PTPRD: variants seen among roughly 807,000 people sequenced by gnomAD.
PTPRD encodes the protein protein tyrosine phosphatase receptor type D.
In PTPRD, 34 loss-of-function variants were observed where a neutral mutation model predicts 214.5. The observed-to-expected ratio is 0.16, with a 90% CI of 0.12 to 0.21. The LOEUF is 0.21. Among genes scored for constraint, PTPRD ranks in the 10% least tolerant of loss-of-function variants. PTPRD has a pLI of 1.00. For synonymous variants in PTPRD, 1,128 were observed against 845.7 expected (o/e 1.33, Z -5.79); for missense variants, 2,545 against 2,398.7 (o/e 1.06, Z -1.27).
At chr9:10,528,204 G>A (rs532245773) in intron 2 of PTPRD, among the ~76,000 whole-genome samples, 2 of 152,210 alleles carry the variant, frequency 1.3e-5, no homozygotes, top group Admixed American at 1.3e-4. Context: ...TGAGGCCACA[G>A]AAAGAAGGAG....
intron 9 of PTPRD, among the ~76,000 whole-genome samples, chr9:9,365,767 T>C (rs952753041): frequency 3.3e-5 from 5 of 151,472 alleles, no homozygotes; most frequent in Admixed American, 6.6e-5. Context: ...CCAGTCTCTC[T>C]ATGGGTCTCT....
At chr9:9,418,772 A>T (rs1057427089) in intron 8 of PTPRD, among the ~76,000 whole-genome samples, 3 of 151,920 alleles carry the variant, frequency 2.0e-5, no homozygotes, top group Non-Finnish European at 4.4e-5. Context: ...TGAAAGTGAG[A>T]TCAGGCCTAA....
At chr9:8,715,868 C>T (rs774928534) in intron 12 of PTPRD, among the ~76,000 whole-genome samples, 3 of 152,176 alleles carry the variant, frequency 2.0e-5, no homozygotes, top group Non-Finnish European at 2.9e-5. Context: ...TCAGACAATT[C>T]AAAAGTCATT....
chr9:10,148,374 G>A (rs575280211), intron 3 of PTPRD, among the ~76,000 whole-genome samples: 42 of 152,130 alleles, frequency 2.8e-4, no homozygotes, highest in Non-Finnish European at 4.7e-4. Context: ...GCTAAGTGTT[G>A]GAACAAAGAC....
intron 24 of PTPRD, 47 bp from the exon 25 acceptor site, chr9:8,499,887 C>G: frequency 6.7e-7 from 1 of 1,493,866 alleles, no homozygotes. Flanking sequence ...ACTTGTCCCA[C>G]CCTATCAGAG....
chr9:9,674,018 T>C (rs746964040), intron 7 of PTPRD, among the ~76,000 whole-genome samples: 19 of 151,940 alleles, frequency 1.3e-4, no homozygotes, highest in South Asian at 2.1e-4. Flanking sequence ...CCAGATCTTG[T>C]TGGAGTAACA....
At chr9:10,318,898 G>A (rs918605934) in intron 3 of PTPRD, among the ~76,000 whole-genome samples, 2 of 152,042 alleles carry the variant, frequency 1.3e-5, no homozygotes, top group African/African-American at 4.8e-5. Context: ...CTAGTATGGT[G>A]ATTCTACTCA....
At chr9:9,044,828 T>C (rs2099667165) in intron 10 of PTPRD, among the ~76,000 whole-genome samples, 1 of 152,204 alleles carries the variant, frequency 6.6e-6, no homozygotes, top group African/African-American at 2.4e-5. Context: ...GACAGGTATT[T>C]TTGAGCCTTG....
intron 44 of PTPRD, among the ~76,000 whole-genome samples, chr9:8,329,177 T>G (rs1837082394): frequency 6.6e-6 from 1 of 152,104 alleles, no homozygotes; most frequent in Non-Finnish European, 1.5e-5. Flanking sequence ...TTATCTACCT[T>G]TGACCTTTGA....
At chr9:10,458,753 T>C (rs769825106) in intron 2 of PTPRD, among the ~76,000 whole-genome samples, 31 of 152,008 alleles carry the variant, frequency 2.0e-4, no homozygotes, top group Non-Finnish European at 4.0e-4. Context: ...AAATTATCTG[T>C]ATTTGCAAAT....
At chr9:8,333,125 G>A (rs536078641) in intron 43 of PTPRD, among the ~76,000 whole-genome samples, 226 of 152,244 alleles carry the variant, frequency 1.5e-3, no homozygotes, top group African/African-American at 5.2e-3. Context: ...ATGACACCAA[G>A]TGTGTGGGAA....
intron 2 of PTPRD, among the ~76,000 whole-genome samples, chr9:10,511,996 GTA>G (rs371474357): frequency 0.015 from 1,229 of 81,866 alleles, 39 homozygotes; most frequent in Middle Eastern, 0.081. Context: ...ATACGTGTGT[GTA>G]TATATATATA....
At chr9:9,561,657 A>T (rs1393985764) in intron 8 of PTPRD, among the ~76,000 whole-genome samples, 2 of 152,216 alleles carry the variant, frequency 1.3e-5, no homozygotes, top group African/African-American at 4.8e-5. Flanking sequence ...CTTAACTGAA[A>T]AAAACACTCT....
At position 9,897,584 on chromosome 9, in the gene PTPRD, C is replaced by T. The variant is rs1046984040; in HGVS notation, c.-368+40923G>A. The stretch of plus-strand genomic sequence containing the variant: ...ATACCCCCATAGGAGTATCCTTGTA[C>T]TTTATTGTAAAATAAGCTTTCTGAC... On this transcript the variant is annotated intron_variant, in intron 5 of 45. Coordinates refer to ENST00000381196, the MANE Select transcript of PTPRD (RefSeq NM_002839.4). 2.1e-4 allele frequency among the ~76,000 whole-genome samples: 32 copies of T among 152,008 alleles called. 1 individual carries two copies. Among genetic ancestry groups the T allele is most frequent in the African/African-American group, 7.7e-4 (32 of 41,502 alleles).
At chr9:9,197,023 A>G (rs535767774) in intron 9 of PTPRD, among the ~76,000 whole-genome samples, 13 of 152,266 alleles carry the variant, frequency 8.5e-5, no homozygotes, top group African/African-American at 3.1e-4. Flanking sequence ...ACATAATAAC[A>G]TTGTCAAAAC....
chr9:9,892,379 A>C (rs78927972), intron 5 of PTPRD, among the ~76,000 whole-genome samples: 2,318 of 152,204 alleles, frequency 0.015, 53 homozygotes, highest in African/African-American at 0.053. Flanking sequence ...GTTGATTGAC[A>C]AAAATGCAAA....
chr9:8,400,286 C>A (rs927469201), intron 36 of PTPRD, among the ~76,000 whole-genome samples: 1 of 152,136 alleles, frequency 6.6e-6, no homozygotes, highest in Admixed American at 6.6e-5. Context: ...CTAATTGATA[C>A]CCCTTGGTCA....
At chr9:9,378,149 C>G (rs1469704643) in intron 9 of PTPRD, among the ~76,000 whole-genome samples, 1 of 152,110 alleles carries the variant, frequency 6.6e-6, no homozygotes, top group Non-Finnish European at 1.5e-5. Flanking sequence ...ATGTATATTA[C>G]AGAGTAGTTT....
intron 14 of PTPRD, among the ~76,000 whole-genome samples, chr9:8,537,670 C>G (rs1381646690): frequency 6.6e-6 from 1 of 152,018 alleles, no homozygotes; most frequent in Admixed American, 6.6e-5. Flanking sequence ...ACTAAATATT[C>G]AGCATACCAA....
Sources: gnomAD v4.1 joint callset for allele counts (sites outside exome capture counted in the v4.1 genomes callset) on GRCh38, gnomAD v4.1.1 for gene constraint, MANE v1.5 for transcripts, NCBI Gene and HGNC (gene_info 2026-07-23, HGNC 2026-07-21) for gene names.